PRUNE2: variants seen among roughly 807,000 people sequenced by gnomAD.
The protein encoded by PRUNE2 is protein prune homolog 2.
In PRUNE2, 164 loss-of-function variants were observed where a neutral mutation model predicts 252.0. The ratio of observed to expected loss-of-function variants is 0.65; its 90% CI spans 0.57 to 0.74. PRUNE2 has a LOEUF of 0.74. Among genes scored for constraint, PRUNE2 ranks in the 30% least tolerant of loss-of-function variants. The pLI is 0.00. For synonymous variants in PRUNE2, 1,292 were observed against 1,350.2 expected (o/e 0.96, Z 0.94); for missense variants, 3,495 against 3,711.0 (o/e 0.94, Z 1.51).
At chr9:76,747,679 C>T (rs1216654378) in intron 6 of PRUNE2, among the ~76,000 whole-genome samples, 1 of 152,132 alleles carries the variant, frequency 6.6e-6, no homozygotes, top group Non-Finnish European at 1.5e-5. Flanking sequence ...GAAATGGATA[C>T]TTGAAGAAGT....
chr9:76,730,162 C>A (rs537794628), intron 6 of PRUNE2, among the ~76,000 whole-genome samples: 1 of 152,298 alleles, frequency 6.6e-6, no homozygotes, highest in South Asian at 2.1e-4. Context: ...TGCAGCTAAT[C>A]CATATGTACA....
At chr9:76,886,172 G>C (rs575150030) in intron 1 of PRUNE2, among the ~76,000 whole-genome samples, 1 of 149,900 alleles carries the variant, frequency 6.7e-6, no homozygotes, top group Non-Finnish European at 1.5e-5. Context: ...GCGACAGAGC[G>C]AGACTCCGTC....
At chr9:76,628,819 C>T (rs2132292690) in intron 16 of PRUNE2, among the ~76,000 whole-genome samples, 1 of 151,510 alleles carries the variant, frequency 6.6e-6, no homozygotes, top group South Asian at 2.1e-4. Context: ...CCAGAACTGA[C>T]CTCTTTTCCA....
chr9:76,654,742 T>C (rs1217950040), intron 10 of PRUNE2, among the ~76,000 whole-genome samples: 1 of 152,150 alleles, frequency 6.6e-6, no homozygotes, highest in East Asian at 1.9e-4. Context: ...CATTTAGAAA[T>C]AATTCTGTTA....
rs117579876 is a variant in PRUNE2 at position 76,627,705 on chromosome 9, G to A, written c.9149+1487C>T. ...TGAAGGATTCTCTGAGAGAGGTAAA[G>A]GAATCTACTAGAAAAGGACATGGGA... On this transcript the variant is annotated intron_variant, in intron 16 of 18. Coordinates refer to ENST00000376718, the MANE Select transcript of PRUNE2 (RefSeq NM_015225.3). Among the ~76,000 whole-genome samples, 176 of 152,236 alleles carry A rather than the reference G, an allele frequency of 1.2e-3. 4 individuals are homozygous for A. In the East Asian group the frequency reaches 0.025, roughly 22 times the overall value.
In PRUNE2 at chr9:76,843,366, A is replaced by T. The variant is rs372847080; in HGVS notation, c.508+3149T>A. Among the ~76,000 whole-genome samples the T allele has an allele frequency of 4.6e-5, 7 of 152,238 alleles. No homozygotes were observed. In the South Asian group the frequency reaches 6.2e-4, roughly 14 times the overall value. Reference sequence around the variant, plus strand: ...AGGGAGAGCATTAGGAGAAATACCTAATGTAGGTGATGGATTGATGGGTGC... The same window carrying T: ...AGGGAGAGCATTAGGAGAAATACCTTATGTAGGTGATGGATTGATGGGTGC... On this transcript the variant is annotated intron_variant, in intron 4 of 18. Coordinates refer to ENST00000376718, the MANE Select transcript of PRUNE2 (RefSeq NM_015225.3).
Position 76,706,595 on chromosome 9 carries a change from T to A in PRUNE2, c.5679A>T (p.Ser1893=), listed in dbSNP as rs768181655. ...YTNPFSDNHQ[S]PFLEGNGKNS... ...TCTTCCCATTACCTTCCAGAAAGGG[T>A]GACTGATGGTTGTCACTAAAAGGAT... Residue 1893 remains serine (S), a synonymous_variant, in exon 8 of 19, where the codon TCA becomes TCT. Coordinates refer to ENST00000376718, the MANE Select transcript of PRUNE2 (RefSeq NM_015225.3). 1.2e-6 allele frequency: 2 copies of A among 1,613,798 alleles called. No homozygotes were observed. Among genetic ancestry groups the A allele is most frequent in the African/African-American group, 2.7e-5 (2 of 74,912 alleles).
intron 12 of PRUNE2, among the ~76,000 whole-genome samples, chr9:76,641,214 G>A (rs772052137): frequency 5.3e-5 from 8 of 152,114 alleles, no homozygotes; most frequent in Non-Finnish European, 1.0e-4. Context: ...AAATGAAAAT[G>A]AAAATTTATA....
Position 76,708,779 on chromosome 9 carries a change from G to C in PRUNE2, c.3495C>G (p.Thr1165=). 1 of 1,613,858 alleles carries C rather than the reference G, an allele frequency of 6.2e-7. No homozygotes were observed. The highest frequency in any genetic ancestry group is 8.5e-7 in the Non-Finnish European group (1 of 1,179,874). The change falls in exon 8 of 19, where the codon ACC becomes ACG. Residue 1165 remains threonine, a synonymous_variant. Coordinates refer to ENST00000376718, the MANE Select transcript of PRUNE2 (RefSeq NM_015225.3). The stretch of plus-strand genomic sequence containing the variant: ...GTTCCAGCTGTCTCACTGTAAATCG[G>C]GTTTCCGGCTCGGAACCTTCAGCCA... ...GYMAEGSEPE[T]RFTVRQLEPW...
At chr9:76,651,084 T>G (rs535374299) in intron 11 of PRUNE2, among the ~76,000 whole-genome samples, 1 of 152,152 alleles carries the variant, frequency 6.6e-6, no homozygotes, top group South Asian at 2.1e-4. Context: ...TATTTGTGTA[T>G]TTCAACCTAC....
chr9:76,850,761 AG>A, intron 2 of PRUNE2, 96 bp from the exon 3 acceptor site: 1 of 921,920 alleles, frequency 1.1e-6, no homozygotes, highest in South Asian at 1.5e-5. Flanking sequence ...TAAAAGGAAT[AG>A]GAGTCTTCTG....
intron 9 of PRUNE2, among the ~76,000 whole-genome samples, chr9:76,700,627 A>C (rs2045797980): frequency 6.6e-6 from 1 of 152,174 alleles, no homozygotes; most frequent in Non-Finnish European, 1.5e-5. Flanking sequence ...TTATTTTATA[A>C]CTTTGTTGGT....
chr9:76,764,631 G>A (rs1486691832), intron 6 of PRUNE2: 1 of 152,236 alleles, frequency 6.6e-6, no homozygotes, highest in African/African-American at 2.4e-5. Flanking sequence ...TTAAAGTTGG[G>A]GAAGAGGTTT....
chr9:76,795,268 C>T (rs957906394), intron 6 of PRUNE2, among the ~76,000 whole-genome samples: 8 of 152,142 alleles, frequency 5.3e-5, no homozygotes, highest in African/African-American at 1.7e-4. Flanking sequence ...GATAATGCTA[C>T]CATCAGTAAC....
At chr9:76,728,958 C>T (rs1386239146) in intron 6 of PRUNE2, among the ~76,000 whole-genome samples, 2 of 152,224 alleles carry the variant, frequency 1.3e-5, no homozygotes, top group African/African-American at 4.8e-5. Flanking sequence ...ACTCCATTAA[C>T]AGTAAGTTTA....
At chr9:76,887,369 T>A (rs949916573) in intron 1 of PRUNE2, among the ~76,000 whole-genome samples, 1 of 152,222 alleles carries the variant, frequency 6.6e-6, no homozygotes, top group African/African-American at 2.4e-5. Context: ...CCCATTGATA[T>A]GGCCATCAAC....
rs1383362908 is a variant in PRUNE2 at position 76,709,429 on chromosome 9, A to C, written c.2845T>G (p.Tyr949Asp). The C allele has an allele frequency of 4.3e-6, 7 of 1,613,888 alleles. No individual in the cohort carries two copies. The highest frequency in any genetic ancestry group is 5.9e-6 in the Non-Finnish European group (7 of 1,179,876). The change falls in exon 8 of 19, where the codon TAC becomes GAC. Residue 949 changes from tyrosine to aspartate, a missense_variant. Tyr to Asp is a radical substitution (Grantham distance 160). Transcript: ENST00000376718. ...DSFLSYKCSD[Y>D]SASNLGEDSV... Reference sequence around the variant, plus strand: ...TCTTCTCCTAGGTTGGATGCACTGTAATCAGAACATTTGTAAGATAAGAAG... The same window carrying C: ...TCTTCTCCTAGGTTGGATGCACTGTCATCAGAACATTTGTAAGATAAGAAG...
chr9:76,705,822 CG>C lies in PRUNE2; in HGVS notation c.6451del (p.Arg2151GlyfsTer27). The C allele has an allele frequency of 6.2e-7, 1 of 1,613,632 alleles. No homozygotes were observed. Among genetic ancestry groups the C allele is most frequent in the Non-Finnish European group, 8.5e-7 (1 of 1,179,896 alleles). On this transcript the variant is annotated frameshift_variant, in exon 8 of 19. Coordinates refer to ENST00000376718, the MANE Select transcript of PRUNE2 (RefSeq NM_015225.3). LOFTEE classifies it high-confidence loss of function. ...TTCTGCATTGGATGGGACAAACTCC[CG>C]TCCAGGCTCATAAATGGGTTCTTCA... Reference protein sequence around the residue: ...IDEEPIYEPGREFVPSNAELD... With the variant: ...IDEEPIYEPGXEFVPSNAELD...
chr9:76,711,094 CTA>C lies in PRUNE2; in HGVS notation c.1178_1179del (p.Ile393ArgfsTer18). 6.2e-7 allele frequency: 1 copy of C among 1,613,952 alleles called. No individual in the cohort carries two copies. ...AAATTCACAGAGCTGGGTTGTGGCT[CTA>C]TGTCAGAACCATACAATTCCATAAT... ...SGIMELYGSD[I>X]EPQPSSVNFI... On this transcript the variant is annotated frameshift_variant, in exon 8 of 19. Transcript: ENST00000376718. LOFTEE classifies it high-confidence loss of function.
Sources: allele counts gnomAD v4.1 joint callset (sites outside exome capture counted in the v4.1 genomes callset), GRCh38; gene constraint gnomAD v4.1.1; transcripts MANE v1.5; gene names NCBI Gene and HGNC (gene_info 2026-07-23, HGNC 2026-07-21).